Variants in PRR14L observed in about 807,000 individuals in gnomAD.
The protein encoded by PRR14L is protein PRR14L.
A neutral mutation model predicts 155.0 loss-of-function variants in PRR14L; 80 were observed. That is an observed-to-expected ratio of 0.52 (90% CI 0.43 to 0.62). The LOEUF is 0.62. PRR14L is among the 20% of genes least tolerant of loss of function. The probability of loss-of-function intolerance (pLI) is 0.00; values close to 1 mark genes in which losing one functional copy is unlikely to be tolerated. For missense variants in PRR14L, 2,469 were observed against 2,548.0 expected (o/e 0.97, Z 0.67); for synonymous variants, 883 against 916.0 (o/e 0.96, Z 0.65).
chr22:31,715,107 G>C lies in PRR14L; in HGVS notation c.2732C>G (p.Ser911Cys). Residue 911 changes from serine (S) to cysteine (C), a missense_variant, in exon 4 of 9, where the codon TCC becomes TGC. Transcript: ENST00000327423. ...EGLEGKEQDVSKETVFCKYNI... is the reference protein window; with the variant it reads ...EGLEGKEQDVCKETVFCKYNI... ...ATACTTACAAAATACAGTTTCTTTG[G>C]ATACATCCTGCTCCTTTCCTTCCAG... The C allele has an allele frequency of 6.4e-7, 1 of 1,551,736 alleles. No homozygotes were observed. The highest frequency in any genetic ancestry group is 1.2e-5 in the South Asian group (1 of 84,064).
chr22:31,712,205 G>C lies in PRR14L; in HGVS notation c.5634C>G (p.Pro1878=), dbSNP rs1483860550. 1.2e-6 allele frequency: 2 copies of C among 1,614,204 alleles called. No homozygotes were observed. The highest frequency in any genetic ancestry group is 1.7e-6 in the Non-Finnish European group (2 of 1,180,030). Residue 1878 remains proline (P), a synonymous_variant, in exon 4 of 9, where the codon CCC becomes CCG. Transcript: ENST00000327423. ...TGGATAGGACTCTGCCCACCGAGTA[G>C]GGCAGAGAACAGAAGACCTTGTCTG... is the stretch of plus-strand genomic sequence containing the variant. ...SIADKVFCSL[P]YSVGRVLSIW... is the part of the protein sequence containing the mutation.
rs2074574466 is a variant in PRR14L at position 31,703,662 on chromosome 22, A to C, written c.5888T>G (p.Val1963Gly). ...PKSCLVAESA[V>G]SKLLLSASEF... ...AGAGGCTGAAAGCAGGAGCTTGCTG[A>C]CAGCTGATTCTGCTACCAAGCAAGA... Residue 1963 changes from valine to glycine, a missense_variant, in exon 6 of 9, where the codon GTC becomes GGC. Val to Gly is a moderately radical substitution (Grantham distance 109). Coordinates refer to ENST00000327423, the MANE Select transcript of PRR14L (RefSeq NM_173566.3). 4 of 1,612,670 alleles carry C rather than the reference A, an allele frequency of 2.5e-6. No homozygotes were observed. The highest frequency in any genetic ancestry group is 1.1e-5 in the South Asian group (1 of 90,920).
chr22:31,737,331 A>T (rs1204044328), intron 2 of PRR14L, among the ~76,000 whole-genome samples: 2 of 151,910 alleles, frequency 1.3e-5, no homozygotes, highest in African/African-American at 4.8e-5. Flanking sequence ...AACTACAAAA[A>T]TTAGCCGGGC....
Position 31,685,525 on chromosome 22 carries a change from T to G in PRR14L, c.*2A>C. 1 of 1,544,186 alleles carries G rather than the reference T, an allele frequency of 6.5e-7. No individual in the cohort carries two copies. The highest frequency in any genetic ancestry group is 8.8e-7 in the Non-Finnish European group (1 of 1,141,518). Reference sequence around the variant, plus strand: ...ATTGAGACCCTCAAACTGAATCGCTTCTCAACAGCCTGATGATTGTTCCTG... The same window carrying G: ...ATTGAGACCCTCAAACTGAATCGCTGCTCAACAGCCTGATGATTGTTCCTG... On this transcript the variant is annotated 3_prime_UTR_variant, in exon 9 of 9. Transcript: ENST00000327423.
intron 4 of PRR14L, among the ~76,000 whole-genome samples, chr22:31,708,823 T>TTTTTTTA (rs966923720): frequency 1.3e-5 from 2 of 151,946 alleles, no homozygotes; most frequent in Admixed American, 6.6e-5. Context: ...ATGGGATTTA[T>TTTTTTTA]TTTTTTATTT....
chr22:31,733,062 CACT>C (rs137875479), intron 2 of PRR14L, among the ~76,000 whole-genome samples: 1 of 150,846 alleles, frequency 6.6e-6, no homozygotes, highest in East Asian at 2.0e-4. Context: ...AATCTCGGCT[CACT>C]ACAACCCTTT....
intron 2 of PRR14L, among the ~76,000 whole-genome samples, chr22:31,730,061 G>A (rs2074739529): frequency 6.6e-6 from 1 of 151,376 alleles, no homozygotes; most frequent in South Asian, 2.1e-4. Flanking sequence ...GCAGAGAACT[G>A]CTTAAACCCA....
intron 1 of PRR14L, among the ~76,000 whole-genome samples, chr22:31,747,335 A>G (rs373037409): frequency 9.1e-5 from 12 of 131,712 alleles, no homozygotes; most frequent in African/African-American, 3.2e-4. Flanking sequence ...GCTGGTCTCA[A>G]ACTCCCGACC....
At chr22:31,731,950 C>T (rs2074752563) in intron 2 of PRR14L, among the ~76,000 whole-genome samples, 1 of 152,212 alleles carries the variant, frequency 6.6e-6, no homozygotes, top group Non-Finnish European at 1.5e-5. Flanking sequence ...GCCCATCTCA[C>T]ATCCCAGTTG....
At chr22:31,730,900 T>C (rs2074745481) in intron 2 of PRR14L, among the ~76,000 whole-genome samples, 1 of 152,180 alleles carries the variant, frequency 6.6e-6, no homozygotes, top group Admixed American at 6.6e-5. Context: ...TCATGGGTAT[T>C]TGTCTTATTC....
chr22:31,712,454 C>A lies in PRR14L; in HGVS notation c.5385G>T (p.Gln1795His), dbSNP rs2074628742. ...HSQTHTQAPP[Q>H]PPAPLQDYGG... is the part of the protein sequence containing the mutation. Reference sequence around the variant, plus strand: ...CATAGTCTTGGAGAGGAGCTGGAGGCTGGGGAGGAGCCTGAGTGTGGGTCT... The same window carrying A: ...CATAGTCTTGGAGAGGAGCTGGAGGATGGGGAGGAGCCTGAGTGTGGGTCT... Residue 1795 changes from glutamine (Q) to histidine (H), a missense_variant, in exon 4 of 9, where the codon CAG becomes CAT. Physicochemically the swap from Gln to His is conservative, Grantham distance 24. Coordinates refer to ENST00000327423, the MANE Select transcript of PRR14L (RefSeq NM_173566.3). The A allele has an allele frequency of 4.5e-6, 7 of 1,555,508 alleles. No homozygotes were observed. In the East Asian group the frequency reaches 1.5e-4, roughly 33 times the overall value.
rs1323006788 is a variant in PRR14L, at chr22:31,714,945, T to C, written c.2894A>G (p.Lys965Arg). ...CTGACAGTCAAGGACTTCATCTGCC[T>C]TCTGATCGAGTGTTTCAACTGATTT... The part of the protein sequence containing the change: ...NVKSVETLDQ[K>R]ADEVLDCQSN... The change falls in exon 4 of 9, where the codon AAG becomes AGG. Residue 965 changes from lysine to arginine, a missense_variant. Lys to Arg is a conservative substitution (Grantham distance 26, BLOSUM62 2). Coordinates refer to ENST00000327423, the MANE Select transcript of PRR14L (RefSeq NM_173566.3). The C allele has an allele frequency of 3.2e-6, 5 of 1,552,042 alleles. No individual in the cohort carries two copies. The South Asian group carries it at 5.9e-5, about 18-fold the overall frequency.
At chr22:31,696,205 G>A (rs1174345718) in intron 7 of PRR14L, among the ~76,000 whole-genome samples, 4 of 151,218 alleles carry the variant, frequency 2.6e-5, no homozygotes, top group South Asian at 2.1e-4. Context: ...GCAGTGGTGC[G>A]ATCTCGGCTC....
chr22:31,728,531 T>C (rs972226929), intron 2 of PRR14L, among the ~76,000 whole-genome samples: 1 of 151,252 alleles, frequency 6.6e-6, no homozygotes, highest in Admixed American at 6.6e-5. Flanking sequence ...GAGAATGGCT[T>C]GAACCCAGGA....
chr22:31,727,874 A>G (rs2074725137), intron 2 of PRR14L, among the ~76,000 whole-genome samples: 1 of 151,452 alleles, frequency 6.6e-6, no homozygotes, highest in African/African-American at 2.4e-5. Context: ...CCCAGCTACT[A>G]GGGGTGCTGA....
rs1168057375 is a variant in PRR14L at position 31,681,939 on chromosome 22, T to A, written c.*3588A>T. On this transcript the variant is annotated 3_prime_UTR_variant, in exon 9 of 9. Coordinates refer to ENST00000327423, the MANE Select transcript of PRR14L (RefSeq NM_173566.3). ...TTTCCATGACACCAGGGGAAAAGCT[T>A]ACAGAAACAAAACAGAACAAGGGAA... is the stretch of plus-strand genomic sequence containing the variant. The A allele has an allele frequency of 2.0e-5, 3 of 152,092 alleles. No homozygotes were observed. Among genetic ancestry groups the A allele is most frequent in the African/African-American group, 4.8e-5 (2 of 41,410 alleles). 9.4% of individuals were successfully genotyped at this position (152,092 alleles called of 1,614,324 possible).
At chr22:31,735,186 T>C (rs2074771889) in intron 2 of PRR14L, among the ~76,000 whole-genome samples, 1 of 152,212 alleles carries the variant, frequency 6.6e-6, no homozygotes, top group African/African-American at 2.4e-5. Context: ...GCGCCTGTAA[T>C]CCCAGCACTT....
At chr22:31,744,617 C>G (rs2147879002) in intron 1 of PRR14L, among the ~76,000 whole-genome samples, 1 of 152,228 alleles carries the variant, frequency 6.6e-6, no homozygotes, top group East Asian at 1.9e-4. Context: ...AAGGCACCAT[C>G]AATATTCTAG....
At position 31,717,236 on chromosome 22, in the gene PRR14L, A is replaced by G. The variant is rs1279348578; in HGVS notation, c.603T>C (p.Gly201=). ...ETLLKSAEVQ[G]MKVNGTKTDN... is the part of the protein sequence containing the mutation. The stretch of plus-strand genomic sequence containing the variant: ...CCGTCTTAGTCCCATTGACCTTCAT[A>G]CCTTGTACTTCGGCGGATTTTAGCA... Residue 201 remains glycine (G), a synonymous_variant, in exon 4 of 9, where the codon GGT becomes GGC. Coordinates refer to ENST00000327423, the MANE Select transcript of PRR14L (RefSeq NM_173566.3). 6 of 1,551,522 alleles carry G rather than the reference A, an allele frequency of 3.9e-6. No individual in the cohort carries two copies. The highest frequency in any genetic ancestry group is 5.2e-6 in the Non-Finnish European group (6 of 1,146,970).
Sources: allele counts gnomAD v4.1 joint callset (sites outside exome capture counted in the v4.1 genomes callset), GRCh38; gene constraint gnomAD v4.1.1; transcripts MANE v1.5; gene names NCBI Gene and HGNC (gene_info 2026-07-23, HGNC 2026-07-21).